The following TMPRSS11A variants were observed in gnomAD, a reference collection of about 807,000 sequenced individuals.
TMPRSS11A encodes the protein transmembrane serine protease 11A, also known as transmembrane protease serine 11A.
TMPRSS11A carries 53 observed loss-of-function variants against 58.9 expected under a neutral mutation model. The observed-to-expected ratio is 0.90, with a 90% confidence interval of 0.72 to 1.13. The LOEUF is 1.13. TMPRSS11A is among the 50% of genes most tolerant of loss of function. The pLI is 0.00. For synonymous variants in TMPRSS11A, 167 were observed against 169.8 expected (o/e 0.98, Z 0.13); for missense variants, 493 against 499.3 (o/e 0.99, Z 0.12).
chr4:67,938,189 C>T lies in TMPRSS11A; in HGVS notation c.253-6129G>A, dbSNP rs144025666. Among the ~76,000 whole-genome samples the T allele has an allele frequency of 1.1e-4, 16 of 152,150 alleles. No homozygotes were observed. In the East Asian group the frequency reaches 1.5e-3, roughly 15 times the overall value. ...CATTTGTTCATATGTTTCTTGACTGCGTTGTATGTCTTCTTTTGTGAAGCA... is the reference window on the plus strand; with the variant it reads ...CATTTGTTCATATGTTTCTTGACTGTGTTGTATGTCTTCTTTTGTGAAGCA... On this transcript the variant is annotated intron_variant, in intron 3 of 9. Transcript: ENST00000508048.
rs116788428 is a variant in TMPRSS11A at position 67,927,468 on chromosome 4, T to A, written c.481+2412A>T. Among the ~76,000 whole-genome samples the A allele has an allele frequency of 3.7e-3, 559 of 152,350 alleles. 3 individuals are homozygous for A. The highest frequency in any genetic ancestry group is 0.02 in the Middle Eastern group (6 of 294). On this transcript the variant is annotated intron_variant, in intron 5 of 9. Transcript: ENST00000508048. ...CAGTGCCTGGAGCTGCCCGTCATGCTGCAGCCAGTGTGCCTGGCTGTGGGC... is the reference window on the plus strand; with the variant it reads ...CAGTGCCTGGAGCTGCCCGTCATGCAGCAGCCAGTGTGCCTGGCTGTGGGC...
At chr4:67,948,147 CTTTTT>C (rs10577639) in intron 1 of TMPRSS11A, among the ~76,000 whole-genome samples, 2 of 98,302 alleles carry the variant, frequency 2.0e-5, no homozygotes, top group Non-Finnish European at 2.0e-5. Flanking sequence ...CAGTTTTTTT[CTTTTT>C]TTTTTTTTTT....
chr4:67,927,183 G>A (rs1271367299), intron 5 of TMPRSS11A, among the ~76,000 whole-genome samples: 2 of 152,162 alleles, frequency 1.3e-5, no homozygotes, highest in East Asian at 1.9e-4. Flanking sequence ...AAGACTGAAA[G>A]AGCTGTAACA....
intron 1 of TMPRSS11A, among the ~76,000 whole-genome samples, chr4:67,957,491 C>T (rs562111783): frequency 6.6e-6 from 1 of 152,220 alleles, no homozygotes; most frequent in South Asian, 2.1e-4. Flanking sequence ...TTTTGCCCTA[C>T]CCTAGAGATT....
At chr4:67,931,662 C>A (rs353176) in intron 4 of TMPRSS11A, among the ~76,000 whole-genome samples, 3 of 151,966 alleles carry the variant, frequency 2.0e-5, no homozygotes, top group African/African-American at 7.3e-5. Flanking sequence ...GTGCATGCAA[C>A]GACAAGCTGC....
At chr4:67,956,300 G>A (rs933122249) in intron 1 of TMPRSS11A, among the ~76,000 whole-genome samples, 6 of 152,172 alleles carry the variant, frequency 3.9e-5, no homozygotes, top group African/African-American at 1.4e-4. Flanking sequence ...GCAGAGCTAA[G>A]ATAAGGGAAG....
Position 67,910,327 on chromosome 4 carries a change from T to C in TMPRSS11A, c.*1015A>G, listed in dbSNP as rs1719931189. On this transcript the variant is annotated 3_prime_UTR_variant, in exon 10 of 10. Coordinates refer to ENST00000508048, the MANE Select transcript of TMPRSS11A (RefSeq NM_001114387.2). ...TAAAACTAGGGTTTTATGATTGCAA[T>C]AGTTGGGACATTGCCATAAGCCTTA... is the stretch of plus-strand genomic sequence containing the variant. 6.6e-6 allele frequency: 1 copy of C among 152,120 alleles called. No individual in the cohort carries two copies. Among genetic ancestry groups the C allele is most frequent in the Non-Finnish European group, 1.5e-5 (1 of 67,952 alleles). The allele number at this position is 152,120 out of a possible 1,614,324, so 9.4% of individuals were successfully genotyped here. A position where few individuals can be genotyped will look rare whatever the true frequency, so the allele number is the denominator to read the frequency against.
rs1214429724 is a variant in TMPRSS11A, at chr4:67,914,569, A to C, written c.1095+19T>G. ...ACAAATTTTTGAGTTAGTAATATAA[A>C]AAAATCCCTCCAACTTACCCTGCAG... On this transcript the variant is annotated intron_variant, in intron 9 of 9. Coordinates refer to ENST00000508048, the MANE Select transcript of TMPRSS11A (RefSeq NM_001114387.2). 2 of 1,611,562 alleles carry C rather than the reference A, an allele frequency of 1.2e-6. No individual in the cohort carries two copies. The highest frequency in any genetic ancestry group is 1.7e-6 in the Non-Finnish European group (2 of 1,178,654).
intron 1 of TMPRSS11A, among the ~76,000 whole-genome samples, chr4:67,948,872 A>G (rs1721089902): frequency 6.6e-6 from 1 of 152,198 alleles, no homozygotes; most frequent in South Asian, 2.1e-4. Context: ...TTTCTCCAGT[A>G]TAATAGAACT....
At chr4:67,931,366 A>G (rs1720614385) in intron 4 of TMPRSS11A, among the ~76,000 whole-genome samples, 1 of 152,204 alleles carries the variant, frequency 6.6e-6, no homozygotes, top group African/African-American at 2.4e-5. Context: ...TTTAAGAAAT[A>G]TGAGTCATAC....
chr4:67,948,097 ATTGG>A lies in TMPRSS11A; in HGVS notation c.12-1530_12-1527del, dbSNP rs574200343. Among the ~76,000 whole-genome samples, 56 of 149,132 alleles carry A rather than the reference ATTGG, an allele frequency of 3.8e-4. 1 individual carries two copies. The highest frequency in any genetic ancestry group is 7.0e-3 in the Middle Eastern group (2 of 286). ...ATATTTTTCATATTTTCTTCACAGGATTGGTTGATTTATAGAAAGTTTTTCTTTT... is the reference window on the plus strand; with the variant it reads ...ATATTTTTCATATTTTCTTCACAGGATTGATTTATAGAAAGTTTTTCTTTT... On this transcript the variant is annotated intron_variant, in intron 1 of 9. Transcript: ENST00000508048.
chr4:67,959,081 CA>C (rs2109773820), intron 1 of TMPRSS11A, among the ~76,000 whole-genome samples: 1 of 152,156 alleles, frequency 6.6e-6, no homozygotes, highest in African/African-American at 2.4e-5. Context: ...TCTTTATCAG[CA>C]GCATGAAAAT....
At chr4:67,924,075 T>C in intron 6 of TMPRSS11A, 53 bp downstream of exon 6, 1 of 1,461,266 alleles carries the variant, frequency 6.8e-7, no homozygotes, top group Non-Finnish European at 9.6e-7. Flanking sequence ...TATTTGAAAA[T>C]GTCCTTTCTG....
Position 67,963,468 on chromosome 4 carries a change from C to G in TMPRSS11A, c.-75G>C. 1 of 1,478,580 alleles carries G rather than the reference C, an allele frequency of 6.8e-7. No homozygotes were observed. Among genetic ancestry groups the G allele is most frequent in the Non-Finnish European group, 9.4e-7 (1 of 1,065,866 alleles). The allele number at this position is 1,478,580 out of a possible 1,614,324, so 91.6% of individuals were successfully genotyped here. ...CTTTCTAATCAACTATATGACATCT[C>G]TAGATGTATTAGAAGTCTACGGCTC... is the stretch of plus-strand genomic sequence containing the variant. On this transcript the variant is annotated 5_prime_UTR_variant, in exon 1 of 10. Coordinates refer to ENST00000508048, the MANE Select transcript of TMPRSS11A (RefSeq NM_001114387.2).
chr4:67,935,026 AC>A, intron 3 of TMPRSS11A, among the ~76,000 whole-genome samples: 1 of 152,344 alleles, frequency 6.6e-6, no homozygotes, highest in African/African-American at 2.4e-5. Flanking sequence ...GTGAAAAAAA[AC>A]TTTAGATCCT....
chr4:67,955,973 A>G (rs1206338433), intron 1 of TMPRSS11A, among the ~76,000 whole-genome samples: 2 of 152,204 alleles, frequency 1.3e-5, no homozygotes, highest in African/African-American at 4.8e-5. Flanking sequence ...TATTGCAGAT[A>G]TGGAACTGCC....
In TMPRSS11A at chr4:67,922,941, G is replaced by A. The variant is rs780141783; in HGVS notation, c.521-15C>T. 6.8e-6 allele frequency: 11 copies of A among 1,612,368 alleles called. No individual in the cohort carries two copies. The highest frequency in any genetic ancestry group is 1.7e-5 in the Admixed American group (1 of 59,916). On this transcript the variant is annotated splice_polypyrimidine_tract_variant and intron_variant, in intron 6 of 9. Coordinates refer to ENST00000508048, the MANE Select transcript of TMPRSS11A (RefSeq NM_001114387.2). The stretch of plus-strand genomic sequence containing the variant: ...TTTACCACAACCTGAAAAAAGATGA[G>A]ATCATTAAGTTATAAGAAACATCTT...
chr4:67,931,546 A>T (rs1361374860), intron 4 of TMPRSS11A, among the ~76,000 whole-genome samples: 1 of 152,162 alleles, frequency 6.6e-6, no homozygotes, highest in Non-Finnish European at 1.5e-5. Context: ...GGCATGCCTT[A>T]TGTCATTCGG....
chr4:67,924,001 A>G (rs1720398848), intron 6 of TMPRSS11A, 127 bp downstream of exon 6: 5 of 830,146 alleles, frequency 6.0e-6, no homozygotes, highest in East Asian at 5.0e-5. Flanking sequence ...ATTTAAATCT[A>G]TCGTACAAAT....
Sources: gnomAD v4.1 joint callset for allele counts (sites outside exome capture counted in the v4.1 genomes callset) on GRCh38, gnomAD v4.1.1 for gene constraint, MANE v1.5 for transcripts, NCBI Gene and HGNC (gene_info 2026-07-23, HGNC 2026-07-21) for gene names.